Variants in MTA3 observed in about 807,000 individuals in gnomAD.
MTA3 encodes the protein metastasis-associated protein MTA3.
A neutral mutation model predicts 83.5 loss-of-function variants in MTA3; 34 were observed. The observed-to-expected ratio is 0.41, with a 90% CI of 0.31 to 0.54. The LOEUF (loss-of-function observed/expected upper bound fraction) is 0.54, where lower values mean the gene tolerates loss of function less well. Among genes scored for constraint, MTA3 ranks in the 20% least tolerant of loss-of-function variants. The probability of loss-of-function intolerance (pLI) is 0.33; values close to 1 mark genes in which losing one functional copy is unlikely to be tolerated. For missense variants in MTA3, 761 were observed against 726.4 expected (o/e 1.05, Z -0.55); for synonymous variants, 303 against 252.7 (o/e 1.20, Z -1.89).
chr2:42,570,438 T>A lies in MTA3; in HGVS notation c.30T>A (p.Asp10Glu). The change falls in exon 2 of 17, where the codon GAT becomes GAA. Residue 10 changes from aspartate (D) to glutamate (E), a missense_variant and splice_region_variant. Transcript: ENST00000405094. MAANMYRVG[D>E]YVYFENSSSN... ...GTTCTGTACTTCCTTTAATTACAGA[T>A]TATGTCTACTTTGAGAATTCCTCCA... The A allele has an allele frequency of 6.5e-7, 1 of 1,527,454 alleles. No homozygotes were observed. Among genetic ancestry groups the A allele is most frequent in the Non-Finnish European group, 8.9e-7 (1 of 1,124,680 alleles). The allele number at this position is 1,527,454 out of a possible 1,614,324, so 94.6% of individuals were successfully genotyped here. A position where few individuals can be genotyped will look rare whatever the true frequency, so the allele number is the denominator to read the frequency against.
At chr2:42,548,846 A>AATATATAT (rs377534429) in intron 2 of MTA3, among the ~76,000 whole-genome samples, 3 of 15,064 alleles carry the variant, frequency 2.0e-4, no homozygotes, top group African/African-American at 2.6e-4. Context: ...ATATATATAT[A>AATATATAT]ATATATATAT....
At chr2:42,581,653 G>C (rs1679660823) in intron 3 of MTA3, 1 of 170,248 alleles carries the variant, frequency 5.9e-6, no homozygotes, top group African/African-American at 2.4e-5. Context: ...AAAATGTTGG[G>C]ATTACAGGTG....
Position 42,644,115 on chromosome 2 carries a change from C to G in MTA3, c.382-12C>G. ...AATTAAGTATACCTATGTATTTTGT[C>G]ATATTTTTCAGGATACCTTCTTCTA... On this transcript the variant is annotated splice_polypyrimidine_tract_variant and intron_variant, in intron 5 of 16. Transcript: ENST00000405094. 1.3e-6 allele frequency: 2 copies of G among 1,524,972 alleles called. No homozygotes were observed. The highest frequency in any genetic ancestry group is 1.8e-6 in the Non-Finnish European group (2 of 1,112,568). The allele number at this position is 1,524,972 out of a possible 1,614,324, so 94.5% of individuals were successfully genotyped here. A position where few individuals can be genotyped will look rare whatever the true frequency, so the allele number is the denominator to read the frequency against.
At chr2:42,565,493 C>A (rs1677871089), upstream of MTA3, among the ~76,000 whole-genome samples, 1 of 152,016 alleles carries the variant, frequency 6.6e-6, no homozygotes, top group Non-Finnish European at 1.5e-5. Context: ...GCTGCATCCA[C>A]TTCTCTTCAA....
chr2:42,514,272 G>A (rs1021624148), intron 2 of MTA3, among the ~76,000 whole-genome samples: 4 of 152,132 alleles, frequency 2.6e-5, no homozygotes, highest in South Asian at 4.1e-4. Context: ...TCAAATAAGA[G>A]TTATCTAAGG....
rs1291941488 is a variant in MTA3 at position 42,746,061 on chromosome 2, C to A, written c.1760-7313C>A. ...TCTCCTGACATTGTGATCCACCCGC[C>A]TTGGCCTCCTAAAGTGCTGGGATTA... On this transcript the variant is annotated intron_variant, in intron 16 of 16. Coordinates refer to ENST00000405094, the MANE Select transcript of MTA3 (RefSeq NM_001330442.2). Among the ~76,000 whole-genome samples the A allele has an allele frequency of 3.3e-5, 5 of 152,188 alleles. No homozygotes were observed. The East Asian group carries it at 9.7e-4, about 29-fold the overall frequency.
At chr2:42,563,309 C>A (rs570137957) in intron 2 of MTA3, among the ~76,000 whole-genome samples, 7 of 152,330 alleles carry the variant, frequency 4.6e-5, no homozygotes, top group African/African-American at 1.4e-4. Context: ...GCTGGGATTA[C>A]AGGCGCGCGC....
chr2:42,639,459 G>A (rs1330325798), intron 4 of MTA3, among the ~76,000 whole-genome samples: 2 of 152,054 alleles, frequency 1.3e-5, no homozygotes, highest in South Asian at 2.1e-4. Flanking sequence ...GAAAGTGCTC[G>A]TAATAAATGC....
chr2:42,542,512 T>C (rs1333757737), intron 2 of MTA3, among the ~76,000 whole-genome samples: 1 of 152,156 alleles, frequency 6.6e-6, no homozygotes, highest in Non-Finnish European at 1.5e-5. Flanking sequence ...CTTAAACCCT[T>C]ACACATCTCC....
At chr2:42,624,441 C>T (rs190736942) in intron 4 of MTA3, among the ~76,000 whole-genome samples, 23 of 152,198 alleles carry the variant, frequency 1.5e-4, no homozygotes, top group African/African-American at 4.8e-4. Context: ...CTGCCTCAGC[C>T]TCCTAAGTAG....
chr2:42,574,510 C>T (rs909030894), intron 2 of MTA3, among the ~76,000 whole-genome samples: 1 of 152,088 alleles, frequency 6.6e-6, no homozygotes, highest in Non-Finnish European at 1.5e-5. Flanking sequence ...GATCCTGGCT[C>T]ACTGCAACCT....
intron 11 of MTA3, chr2:42,703,160 A>C (rs995199078): frequency 3.3e-5 from 5 of 152,042 alleles, no homozygotes; most frequent in African/African-American, 1.2e-4. Flanking sequence ...ACAGAGTCTC[A>C]CTGTGTTGCC....
intron 2 of MTA3, among the ~76,000 whole-genome samples, chr2:42,577,780 G>A (rs1679219640): frequency 6.6e-6 from 1 of 152,026 alleles, no homozygotes; most frequent in Non-Finnish European, 1.5e-5. Flanking sequence ...CACCCGGCCT[G>A]GATTTTTAAT....
chr2:42,635,838 C>T (rs534566045), intron 4 of MTA3, among the ~76,000 whole-genome samples: 2 of 152,158 alleles, frequency 1.3e-5, no homozygotes, highest in South Asian at 4.1e-4. Flanking sequence ...ATGATCTTGG[C>T]TCACTGCACC....
At chr2:42,518,414 C>T (rs549589506) in intron 2 of MTA3, among the ~76,000 whole-genome samples, 2 of 152,120 alleles carry the variant, frequency 1.3e-5, no homozygotes, top group African/African-American at 4.8e-5. Flanking sequence ...AATGTCAAAG[C>T]CACAGAAGAA....
chr2:42,733,594 T>G (rs1222360724), intron 16 of MTA3, among the ~76,000 whole-genome samples: 2 of 152,260 alleles, frequency 1.3e-5, no homozygotes, highest in Non-Finnish European at 2.9e-5. Context: ...TTTTTAAATT[T>G]CCTTCTTAAT....
chr2:42,625,258 C>T (rs1025740731), intron 4 of MTA3, among the ~76,000 whole-genome samples: 1 of 151,512 alleles, frequency 6.6e-6, no homozygotes, highest in African/African-American at 2.4e-5. Context: ...TCTTGAACTC[C>T]TGACCTCAGG....
chr2:42,740,677 A>G (rs1044469934), intron 16 of MTA3, among the ~76,000 whole-genome samples: 5 of 152,206 alleles, frequency 3.3e-5, no homozygotes, highest in African/African-American at 7.2e-5. Context: ...GAGCAGTCAT[A>G]TTTTGATTTT....
At chr2:42,497,971 C>A (rs1287981489) in intron 2 of MTA3, among the ~76,000 whole-genome samples, 1 of 152,172 alleles carries the variant, frequency 6.6e-6, no homozygotes, top group Non-Finnish European at 1.5e-5. Flanking sequence ...AAAGTTGTGA[C>A]CCTTTTACTG....
Sources: gnomAD v4.1 joint callset for allele counts (sites outside exome capture counted in the v4.1 genomes callset) on GRCh38, gnomAD v4.1.1 for gene constraint, MANE v1.5 for transcripts, NCBI Gene and HGNC (gene_info 2026-07-23, HGNC 2026-07-21) for gene names.